CRACD: variants seen among roughly 807,000 people sequenced by gnomAD.
CRACD encodes the protein capping protein-inhibiting regulator of actin dynamics.
A neutral mutation model predicts 106.8 loss-of-function variants in CRACD; 56 were observed. The ratio of observed to expected loss-of-function variants is 0.52; its 90% CI spans 0.42 to 0.66. The LOEUF (loss-of-function observed/expected upper bound fraction) is 0.66. Among genes scored for constraint, CRACD ranks in the 30% least tolerant of loss-of-function variants. The probability of loss-of-function intolerance (pLI) is 0.00; values close to 1 mark genes in which losing one functional copy is unlikely to be tolerated. For synonymous variants in CRACD, 754 were observed against 670.8 expected (o/e 1.12, Z -1.92); for missense variants, 1,730 against 1,623.2 (o/e 1.07, Z -1.13).
chr4:56,156,205 G>A (rs183393087), intron 1 of CRACD, among the ~76,000 whole-genome samples: 3 of 152,290 alleles, frequency 2.0e-5, no homozygotes, highest in Non-Finnish European at 2.9e-5. Flanking sequence ...CAAGTGATCC[G>A]CTTGCCTTGG....
intron 2 of CRACD, among the ~76,000 whole-genome samples, chr4:56,244,654 C>CA (rs1329649316): frequency 1.3e-5 from 2 of 152,214 alleles, no homozygotes; most frequent in Non-Finnish European, 1.5e-5. Flanking sequence ...TTCCCACACA[C>CA]CAGCTGTTCT....
intron 8 of CRACD, among the ~76,000 whole-genome samples, chr4:56,319,247 A>G (rs1745888881): frequency 6.6e-6 from 1 of 152,144 alleles, no homozygotes; most frequent in African/African-American, 2.4e-5. Flanking sequence ...ACCATTTGTT[A>G]TTACATGGCC....
At chr4:56,197,317 G>T (rs1312091583) in intron 2 of CRACD, among the ~76,000 whole-genome samples, 3 of 151,842 alleles carry the variant, frequency 2.0e-5, no homozygotes, top group African/African-American at 7.3e-5. Context: ...TTCCTCTGTG[G>T]GGTATTTTTT....
At chr4:56,191,824 G>A (rs888799604) in intron 2 of CRACD, among the ~76,000 whole-genome samples, 1 of 152,226 alleles carries the variant, frequency 6.6e-6, no homozygotes, top group Non-Finnish European at 1.5e-5. Context: ...TGGATAAACT[G>A]TGAACTCTTT....
At chr4:56,167,720 C>T (rs1286674774) in intron 1 of CRACD, among the ~76,000 whole-genome samples, 2 of 152,106 alleles carry the variant, frequency 1.3e-5, no homozygotes, top group African/African-American at 2.4e-5. Context: ...TCTGAATAGA[C>T]TATTCACAAA....
chr4:56,221,899 G>A (rs555442302), intron 2 of CRACD, among the ~76,000 whole-genome samples: 1 of 152,286 alleles, frequency 6.6e-6, no homozygotes, highest in Admixed American at 6.5e-5. Flanking sequence ...GTAGATGTTG[G>A]CATAGATGTG....
chr4:56,241,613 C>G (rs1056929930), intron 2 of CRACD, among the ~76,000 whole-genome samples: 2 of 152,124 alleles, frequency 1.3e-5, no homozygotes, highest in African/African-American at 2.4e-5. Context: ...AGGACATGGA[C>G]CTTGCCCTCC....
chr4:56,275,005 T>C (rs1421518222), intron 3 of CRACD, among the ~76,000 whole-genome samples: 1 of 152,222 alleles, frequency 6.6e-6, no homozygotes, highest in Non-Finnish European at 1.5e-5. Context: ...CTGGAGGCTA[T>C]TATTCTTAGC....
chr4:56,191,334 C>T (rs1737359199), intron 2 of CRACD, among the ~76,000 whole-genome samples: 1 of 151,994 alleles, frequency 6.6e-6, no homozygotes, highest in African/African-American at 2.4e-5. Context: ...GCCCCTTCCT[C>T]CCTCTTCAAA....
At chr4:56,301,637 T>A (rs73240537) in intron 4 of CRACD, among the ~76,000 whole-genome samples, 1 of 152,012 alleles carries the variant, frequency 6.6e-6, no homozygotes, top group Non-Finnish European at 1.5e-5. Flanking sequence ...GAAGGGTGTC[T>A]GTCTGTAATG....
At chr4:56,281,679 A>C (rs774390484) in intron 3 of CRACD, among the ~76,000 whole-genome samples, 1 of 152,210 alleles carries the variant, frequency 6.6e-6, no homozygotes, top group African/African-American at 2.4e-5. Context: ...GAACCAGAGG[A>C]AAATTGATTC....
At chr4:56,196,568 A>G (rs1199566313) in intron 2 of CRACD, 1 of 152,546 alleles carries the variant, frequency 6.6e-6, no homozygotes, top group African/African-American at 2.4e-5. Flanking sequence ...GGACACATCA[A>G]AGCACCTAGA....
At chr4:56,128,777 A>G (rs1049549652) in intron 1 of CRACD, among the ~76,000 whole-genome samples, 2 of 152,116 alleles carry the variant, frequency 1.3e-5, no homozygotes, top group Non-Finnish European at 2.9e-5. Flanking sequence ...TCCCGCATAA[A>G]ATGTTCTTTT....
chr4:56,130,739 G>T (rs1734798722), intron 1 of CRACD, among the ~76,000 whole-genome samples: 1 of 151,944 alleles, frequency 6.6e-6, no homozygotes, highest in Non-Finnish European at 1.5e-5. Context: ...TCTTTTCATG[G>T]GACAAAATTG....
chr4:56,228,607 CAAAAAA>C (rs35810086), intron 2 of CRACD, among the ~76,000 whole-genome samples: 3 of 101,514 alleles, frequency 3.0e-5, no homozygotes, highest in African/African-American at 3.7e-5. Flanking sequence ...CCATCTCTAC[CAAAAAA>C]AAAAAAAAAA....
At chr4:56,114,081 T>C (rs1258534357) in intron 1 of CRACD, among the ~76,000 whole-genome samples, 2 of 151,988 alleles carry the variant, frequency 1.3e-5, no homozygotes, top group African/African-American at 4.8e-5. Flanking sequence ...GTAAGGACTT[T>C]ATTTGTCTCA....
rs557129352 is a variant in CRACD, at chr4:56,089,966, T to C, written c.-336+40667T>C. Among the ~76,000 whole-genome samples the C allele has an allele frequency of 1.9e-4, 29 of 152,290 alleles. 1 individual carries two copies. The South Asian group carries it at 6.0e-3, about 32-fold the overall frequency. On this transcript the variant is annotated intron_variant, in intron 1 of 10. Transcript: ENST00000682029. ...AATGAGGAGTATTACATTGACTGTA[T>C]AGTTTCACCTTAAAATTTCATTTTA... is the stretch of plus-strand genomic sequence containing the variant.
At chr4:56,095,571 C>G (rs949670382) in intron 1 of CRACD, among the ~76,000 whole-genome samples, 6 of 152,158 alleles carry the variant, frequency 3.9e-5, no homozygotes, top group African/African-American at 1.4e-4. Flanking sequence ...TGTGGAAATG[C>G]TCCAAGGTGG....
At chr4:56,327,507 A>T (rs929700755) in intron 10 of CRACD, 137 bp from the exon 11 acceptor site, 2 of 718,926 alleles carry the variant, frequency 2.8e-6, no homozygotes, top group African/African-American at 3.6e-5. Flanking sequence ...CAATGTATAC[A>T]TATTTCAAAA....
Sources: allele counts gnomAD v4.1 joint callset (sites outside exome capture counted in the v4.1 genomes callset), GRCh38; gene constraint gnomAD v4.1.1; transcripts MANE v1.5; gene names NCBI Gene and HGNC (gene_info 2026-07-23, HGNC 2026-07-21).